Variants in PCDH15 observed in about 807,000 individuals in gnomAD.
PCDH15 encodes the protein protocadherin related 15.
In PCDH15, 129 loss-of-function variants were observed where a neutral mutation model predicts 178.5. The ratio of observed to expected loss-of-function variants is 0.72; its 90% confidence interval spans 0.63 to 0.84. The LOEUF (loss-of-function observed/expected upper bound fraction) is 0.84. PCDH15 is among the 40% of genes least tolerant of loss of function. The pLI, the probability that PCDH15 is intolerant of heterozygous loss-of-function variation, is 0.00. For missense variants in PCDH15, 2,230 were observed against 2,099.9 expected, an observed-to-expected ratio of 1.06 and a Z score of -1.21; for synonymous variants, 800 against 732.0, an observed-to-expected ratio of 1.09 and a Z score of -1.50.
intron 2 of PCDH15, among the ~76,000 whole-genome samples, chr10:55,010,803 A>T (rs985506498): frequency 6.6e-6 from 1 of 152,066 alleles, no homozygotes; most frequent in Non-Finnish European, 1.5e-5. Flanking sequence ...AACTTATAAA[A>T]AAAAAAGGTA....
At chr10:54,126,072 A>ATCTT (rs1554802398) in intron 15 of PCDH15, among the ~76,000 whole-genome samples, 1 of 139,158 alleles carries the variant, frequency 7.2e-6, no homozygotes, top group Non-Finnish European at 1.5e-5. Flanking sequence ...AAGAATTACC[A>ATCTT]TTTTTTTTTT....
chr10:55,048,249 T>A (rs1475427363), intron 2 of PCDH15, among the ~76,000 whole-genome samples: 1 of 151,722 alleles, frequency 6.6e-6, no homozygotes, highest in Non-Finnish European at 1.5e-5. Context: ...ATAGAAATAA[T>A]TATATAAGTC....
At chr10:54,981,166 G>A (rs1291240834) in intron 2 of PCDH15, among the ~76,000 whole-genome samples, 6 of 152,148 alleles carry the variant, frequency 3.9e-5, no homozygotes, top group East Asian at 1.9e-4. Context: ...AACTCAAAAC[G>A]AATCTTCTTT....
chr10:54,835,751 T>C (rs1429011357), intron 3 of PCDH15, among the ~76,000 whole-genome samples: 2 of 152,130 alleles, frequency 1.3e-5, no homozygotes, highest in Non-Finnish European at 2.9e-5. Context: ...CAGAAAAATA[T>C]ATAAAATTGT....
intron 2 of PCDH15, among the ~76,000 whole-genome samples, chr10:55,027,348 G>A (rs555410874): frequency 2.6e-5 from 4 of 151,824 alleles, no homozygotes; most frequent in Admixed American, 1.3e-4. Context: ...CAAGAGCAAA[G>A]TCACACTGTC....
At chr10:53,920,133 G>C (rs890343105) in intron 25 of PCDH15, among the ~76,000 whole-genome samples, 1 of 152,070 alleles carries the variant, frequency 6.6e-6, no homozygotes, top group African/African-American at 2.4e-5. Context: ...CTATAAAGTT[G>C]AGGACTTTTT....
At position 54,236,884 on chromosome 10, in the gene PCDH15, A is replaced by T; in HGVS notation, c.924T>A (p.Asp308Glu). 1 of 1,613,760 alleles carries T rather than the reference A, an allele frequency of 6.2e-7. No homozygotes were observed. The highest frequency in any genetic ancestry group is 8.5e-7 in the Non-Finnish European group (1 of 1,179,712). ...ATGGCGGTTGAATATTCCGGTCCTG[A>T]TCAATGGCTTGGATTGGTGGCGTAA... ...IIVTPPIQAI[D>E]QDRNIQPPSD... The change falls in exon 9 of 38, where the codon GAT becomes GAA. Residue 308 changes from aspartate to glutamate, a missense_variant. Asp to Glu is a conservative substitution (Grantham distance 45). Transcript: ENST00000644397.
chr10:55,469,029 G>A (rs1239634897), intron 2 of PCDH15: 1 of 151,896 alleles, frequency 6.6e-6, no homozygotes, highest in Non-Finnish European at 1.5e-5. Context: ...TTTAAAAGAA[G>A]CATCTGATAA....
At chr10:55,220,307 CT>C (rs1564904021) in intron 1 of PCDH15, among the ~76,000 whole-genome samples, 2 of 152,030 alleles carry the variant, frequency 1.3e-5, no homozygotes, top group Admixed American at 6.6e-5. Flanking sequence ...AAGTCTCGCT[CT>C]TTTTTTAAAA....
intron 2 of PCDH15, among the ~76,000 whole-genome samples, chr10:55,065,341 G>A (rs1841535079): frequency 6.6e-6 from 1 of 151,708 alleles, no homozygotes; most frequent in Admixed American, 6.6e-5. Context: ...AAAATGTAAT[G>A]CTCACCCTTT....
chr10:53,883,697 A>C (rs1379476852), intron 26 of PCDH15, among the ~76,000 whole-genome samples: 1 of 152,192 alleles, frequency 6.6e-6, no homozygotes, highest in African/African-American at 2.4e-5. Context: ...GATAGTTTCT[A>C]AATAACATTC....
In PCDH15 at chr10:54,939,321, C is replaced by T. The variant is rs552665186; in HGVS notation, c.-79-41821G>A. Among the ~76,000 whole-genome samples the T allele has an allele frequency of 4.0e-5, 6 of 150,702 alleles. No individual in the cohort carries two copies. The South Asian group carries it at 1.1e-3, about 26-fold the overall frequency. ...CATCCTGGCTACCACGGTGAAACCT[C>T]GTCTCTACTAAAAAAAACAAAAAAT... On this transcript the variant is annotated intron_variant, in intron 2 of 5. Coordinates refer to the PCDH15 transcript ENST00000458638.
At chr10:55,554,880 A>C (rs563083168) in intron 2 of PCDH15, among the ~76,000 whole-genome samples, 52 of 151,982 alleles carry the variant, frequency 3.4e-4, no homozygotes, top group African/African-American at 1.3e-3. Context: ...CCTCTTTTTG[A>C]TGATATAGAC....
intron 2 of PCDH15, among the ~76,000 whole-genome samples, chr10:55,382,822 C>T (rs561584465): frequency 1.1e-3 from 165 of 152,284 alleles, no homozygotes; most frequent in African/African-American, 3.8e-3. Context: ...ACTTGGCCAC[C>T]GCAGTGATCA....
intron 1 of PCDH15, among the ~76,000 whole-genome samples, chr10:55,218,545 T>C (rs1444121495): frequency 4.6e-5 from 7 of 152,022 alleles, no homozygotes; most frequent in Non-Finnish European, 1.0e-4. Flanking sequence ...GGTAAGCTGA[T>C]TAAAGTGCAA....
At chr10:54,858,987 G>T (rs1953790521) in intron 3 of PCDH15, among the ~76,000 whole-genome samples, 2 of 151,976 alleles carry the variant, frequency 1.3e-5, no homozygotes, top group Non-Finnish European at 2.9e-5. Flanking sequence ...TATACACATA[G>T]CTTTATGTAT....
chr10:55,395,168 CGTGT>C (rs35472682), intron 2 of PCDH15, among the ~76,000 whole-genome samples: 13 of 127,924 alleles, frequency 1.0e-4, no homozygotes, highest in Non-Finnish European at 1.6e-4. Flanking sequence ...TATTTAACTG[CGTGT>C]GTGTGTGTGT....
At chr10:54,494,850 G>A (rs189583252) in intron 3 of PCDH15, among the ~76,000 whole-genome samples, 1 of 151,550 alleles carries the variant, frequency 6.6e-6, no homozygotes, top group African/African-American at 2.4e-5. Context: ...AGGACAAGAA[G>A]TAAAAGAGGA....
At chr10:54,893,654 C>T (rs1042537237) in intron 3 of PCDH15, among the ~76,000 whole-genome samples, 4 of 151,902 alleles carry the variant, frequency 2.6e-5, no homozygotes, top group South Asian at 4.2e-4. Flanking sequence ...TTAACAAATA[C>T]TGAAAAAGAG....
Sources: allele counts gnomAD v4.1 joint callset (sites outside exome capture counted in the v4.1 genomes callset), GRCh38; gene constraint gnomAD v4.1.1; transcripts MANE v1.5; gene names NCBI Gene and HGNC (gene_info 2026-07-23, HGNC 2026-07-21).